The following SORCS2 variants were observed in gnomAD, a reference collection of about 807,000 sequenced individuals.
SORCS2 encodes VPS10 domain-containing receptor SorCS2.
A neutral mutation model predicts 141.6 loss-of-function variants in SORCS2; 100 were observed. The observed-to-expected ratio is 0.71, with a 90% CI of 0.60 to 0.83. The LOEUF (loss-of-function observed/expected upper bound fraction) is 0.83. Ranked by LOEUF, SORCS2 falls within the 40% of genes least tolerant of loss-of-function variation. The pLI, the probability that SORCS2 is intolerant of heterozygous loss-of-function variation, is 0.00. For missense variants in SORCS2, 1,646 were observed against 1,560.2 expected (o/e 1.05, Z -0.93); for synonymous variants, 789 against 676.9 (o/e 1.17, Z -2.57).
At chr4:7,596,142 C>A (rs528390286) in intron 3 of SORCS2, among the ~76,000 whole-genome samples, 1 of 152,282 alleles carries the variant, frequency 6.6e-6, no homozygotes, top group African/African-American at 2.4e-5. Context: ...AGACATAAGA[C>A]AATGCCACAC....
intron 1 of SORCS2, among the ~76,000 whole-genome samples, chr4:7,271,227 C>T (rs1037758372): frequency 7.2e-5 from 11 of 152,190 alleles, no homozygotes; most frequent in Admixed American, 1.3e-4. Context: ...CTGGGGATGT[C>T]GCTCCTCCAC....
chr4:7,683,643 G>A (rs547819285), intron 10 of SORCS2, among the ~76,000 whole-genome samples: 1 of 152,204 alleles, frequency 6.6e-6, no homozygotes, highest in Non-Finnish European at 1.5e-5. Context: ...CTCTGCCCAT[G>A]GGAGTGAGGG....
intron 23 of SORCS2, among the ~76,000 whole-genome samples, 195 bp downstream of exon 23, chr4:7,729,907 C>T (rs1212065573): frequency 6.6e-6 from 1 of 152,148 alleles, no homozygotes; most frequent in Non-Finnish European, 1.5e-5. Flanking sequence ...CCTCTAAGGT[C>T]ACTGCGGCAG....
At chr4:7,284,565 G>T (rs377300615) in intron 1 of SORCS2, among the ~76,000 whole-genome samples, 6 of 152,190 alleles carry the variant, frequency 3.9e-5, no homozygotes, top group Admixed American at 2.6e-4. Context: ...TCCCTCAGCA[G>T]GTGCTCCAGG....
chr4:7,573,344 G>C (rs534451170), intron 3 of SORCS2, among the ~76,000 whole-genome samples: 1 of 152,312 alleles, frequency 6.6e-6, no homozygotes, highest in African/African-American at 2.4e-5. Flanking sequence ...AATGTTGACA[G>C]GTCCCAGTGG....
chr4:7,415,803 G>T (rs73796557), intron 2 of SORCS2, among the ~76,000 whole-genome samples: 5,382 of 152,302 alleles, frequency 0.035, 298 homozygotes, highest in African/African-American at 0.12. Context: ...TGCCCTCTGT[G>T]CTAGGCACTT....
At chr4:7,266,145 G>A (rs1258064640) in intron 1 of SORCS2, among the ~76,000 whole-genome samples, 4 of 152,068 alleles carry the variant, frequency 2.6e-5, no homozygotes, top group Admixed American at 1.3e-4. Flanking sequence ...ACCCTTTTCT[G>A]TCCCTCACGA....
chr4:7,354,380 C>T (rs1721125514), intron 1 of SORCS2, among the ~76,000 whole-genome samples: 2 of 152,208 alleles, frequency 1.3e-5, no homozygotes, highest in South Asian at 4.1e-4. Flanking sequence ...GGCTCAGCCC[C>T]CTGGCTTTCT....
chr4:7,669,630 T>G (rs1021407862), intron 8 of SORCS2, among the ~76,000 whole-genome samples: 2 of 150,790 alleles, frequency 1.3e-5, no homozygotes, highest in Non-Finnish European at 2.9e-5. Flanking sequence ...CTCAACTCTC[T>G]CTTTTTTTTC....
At chr4:7,232,187 C>G (rs75549813) in intron 1 of SORCS2, among the ~76,000 whole-genome samples, 2,310 of 152,146 alleles carry the variant, frequency 0.015, 66 homozygotes, top group African/African-American at 0.053. Flanking sequence ...GAAGCATGGG[C>G]TGTGGGAGTA....
intron 3 of SORCS2, among the ~76,000 whole-genome samples, chr4:7,600,279 A>G (rs1325150319): frequency 6.6e-6 from 1 of 152,188 alleles, no homozygotes; most frequent in Non-Finnish European, 1.5e-5. Context: ...ACCATGCTGG[A>G]GTCAGTTGTC....
In SORCS2 at chr4:7,400,079, C is replaced by T. The variant is rs566122438; in HGVS notation, c.548+3724C>T. On this transcript the variant is annotated intron_variant, in intron 2 of 26. Coordinates refer to ENST00000507866, the MANE Select transcript of SORCS2 (RefSeq NM_020777.3). ...AGCCAGAGGTTGGGCTGGTTAGGAC[C>T]GAGGTTTAAAATCCTTCCAGGGTAC... Among the ~76,000 whole-genome samples, 13 of 152,200 alleles carry T rather than the reference C, an allele frequency of 8.5e-5. No homozygotes were observed. The East Asian group carries it at 1.9e-3, about 23-fold the overall frequency.
chr4:7,526,177 G>A (rs1299913785), intron 2 of SORCS2, among the ~76,000 whole-genome samples: 1 of 152,254 alleles, frequency 6.6e-6, no homozygotes, highest in South Asian at 2.1e-4. Flanking sequence ...TTGCTCATCT[G>A]CTGGGACCGC....
chr4:7,438,110 A>G (rs909886940), intron 2 of SORCS2, among the ~76,000 whole-genome samples: 1 of 152,262 alleles, frequency 6.6e-6, no homozygotes, highest in Non-Finnish European at 1.5e-5. Context: ...CTTTACCAGC[A>G]GCCCCAGTGC....
chr4:7,716,098 A>G (rs1025955588), intron 17 of SORCS2, among the ~76,000 whole-genome samples: 16 of 152,246 alleles, frequency 1.1e-4, no homozygotes, highest in Non-Finnish European at 1.9e-4. Flanking sequence ...TGTTAGGTAC[A>G]TAAAAGCTGT....
intron 12 of SORCS2, among the ~76,000 whole-genome samples, chr4:7,699,953 C>T (rs1479042421): frequency 1.3e-5 from 2 of 152,208 alleles, no homozygotes; most frequent in African/African-American, 4.8e-5. Flanking sequence ...GAGGAATCTT[C>T]TGAAAGGGAA....
At position 7,286,604 on chromosome 4, in the gene SORCS2, A is replaced by G. The variant is rs1415782892; in HGVS notation, c.480+93478A>G. ...ATTCGGTCCCAGGCCAGCCCCCCGTATCTTACGGATGGAGGACACAGGCCC... is the reference window on the plus strand; with the variant it reads ...ATTCGGTCCCAGGCCAGCCCCCCGTGTCTTACGGATGGAGGACACAGGCCC... On this transcript the variant is annotated intron_variant, in intron 1 of 26. Transcript: ENST00000507866. This position sits in a 1 kb window ranked among gnomAD's most constrained non-coding sequence, Gnocchi z 4.1. Among the ~76,000 whole-genome samples the G allele has an allele frequency of 2.0e-5, 3 of 152,200 alleles. No homozygotes were observed. Among genetic ancestry groups the G allele is most frequent in the South Asian group, 2.1e-4 (1 of 4,836 alleles).
chr4:7,428,673 G>T (rs1274128442), intron 2 of SORCS2, among the ~76,000 whole-genome samples: 1 of 152,200 alleles, frequency 6.6e-6, no homozygotes, highest in Non-Finnish European at 1.5e-5. Context: ...TGGGCCTGGG[G>T]TGTGTGCAAG....
chr4:7,408,596 A>G (rs538252451), intron 2 of SORCS2, among the ~76,000 whole-genome samples: 62 of 152,072 alleles, frequency 4.1e-4, no homozygotes, highest in Non-Finnish European at 7.8e-4. Flanking sequence ...TTTGGGTTGA[A>G]TCTGTTTGGT....
Sources: allele counts gnomAD v4.1 joint callset (sites outside exome capture counted in the v4.1 genomes callset), GRCh38; gene constraint gnomAD v4.1.1; non-coding constraint Gnocchi (gnomAD v3.1); transcripts MANE v1.5; gene names NCBI Gene and HGNC (gene_info 2026-07-23, HGNC 2026-07-21).